The following EHBP1L1 variants were observed in gnomAD, a reference collection of about 807,000 sequenced individuals.
EHBP1L1 encodes the protein EH domain-binding protein 1-like protein 1.
Under a neutral mutation model 151.1 loss-of-function variants are expected in EHBP1L1, and 122 were observed. The observed-to-expected ratio is 0.81, with a 90% CI of 0.70 to 0.94. The LOEUF (loss-of-function observed/expected upper bound fraction) is 0.94, where lower values mean the gene tolerates loss of function less well. Ranked by LOEUF, EHBP1L1 falls within the 40% of genes least tolerant of loss-of-function variation. The probability of loss-of-function intolerance (pLI) is 0.00; values close to 1 mark genes in which losing one functional copy is unlikely to be tolerated. For synonymous variants in EHBP1L1, 878 were observed against 810.1 expected, an observed-to-expected ratio of 1.08 and a Z score of -1.42; for missense variants, 1,941 against 1,959.8, an observed-to-expected ratio of 0.99 and a Z score of 0.18.
chr11:65,582,074 G>A lies in EHBP1L1; in HGVS notation c.1402G>A (p.Val468Ile), dbSNP rs753417724. The change falls in exon 9 of 19, where the codon GTC becomes ATC. Residue 468 changes from valine to isoleucine, a missense_variant. Transcript: ENST00000309295. The stretch of plus-strand genomic sequence containing the variant: ...AAGGGGCTCTCAGGGGAGGCTGGGA[G>A]TCAGGACCAGGGATGAGGCTCCCTC... ...PPRGSQGRLG[V>I]RTRDEAPSGL... 4 of 1,612,004 alleles carry A rather than the reference G, an allele frequency of 2.5e-6. No individual in the cohort carries two copies. Among genetic ancestry groups the A allele is most frequent in the East Asian group, 2.2e-5 (1 of 44,878 alleles).
In EHBP1L1 at chr11:65,583,756, G is replaced by A. The variant is rs777616668; in HGVS notation, c.3084G>A (p.Pro1028=). ...PEKAEEDRRL[P]GSQAPPALVS... is the part of the protein sequence containing the mutation. ...AGGCTGAAGAGGACAGGAGGCTGCC[G>A]GGCAGCCAGGTAGGGATGGGGGCCG... Residue 1028 remains proline, a synonymous_variant, in exon 9 of 19, where the codon CCG becomes CCA. Coordinates refer to ENST00000309295, the MANE Select transcript of EHBP1L1 (RefSeq NM_001099409.3). The A allele has an allele frequency of 1.4e-5, 21 of 1,489,398 alleles. No individual in the cohort carries two copies. The East Asian group carries it at 2.5e-4, about 17-fold the overall frequency. 92.3% of individuals were successfully genotyped at this position (1,489,398 alleles called of 1,614,324 possible). A position where few individuals can be genotyped will look rare whatever the true frequency, so the allele number is the denominator to read the frequency against.
intron 11 of EHBP1L1, 193 bp downstream of exon 11, chr11:65,584,727 C>T (rs981245226): frequency 3.9e-6 from 4 of 1,024,862 alleles, no homozygotes; most frequent in South Asian, 1.6e-5. Flanking sequence ...TTTTTCCTCC[C>T]TTAGATGGTT....
In EHBP1L1 at chr11:65,585,605, T is replaced by A; in HGVS notation, c.3933+14T>A. On this transcript the variant is annotated intron_variant, in intron 12 of 18. Transcript: ENST00000309295. This position sits in a 1 kb window ranked among gnomAD's most constrained non-coding sequence, Gnocchi z 4.0. ...GCTGCGGCTGCAGTGAGTGTCAAGG[T>A]CCTTCTTTCTTCCCCCGCCGCAGCG... The A allele has an allele frequency of 6.4e-7, 1 of 1,560,716 alleles. No homozygotes were observed. Among genetic ancestry groups the A allele is most frequent in the South Asian group, 1.2e-5 (1 of 86,446 alleles).
intron 12 of EHBP1L1, among the ~76,000 whole-genome samples, chr11:65,589,255 A>G (rs113022293): frequency 0.012 from 1,825 of 152,246 alleles, 51 homozygotes; most frequent in African/African-American, 0.041. Flanking sequence ...AAATACAAAA[A>G]TTAGCTGGGC....
At position 65,579,362 on chromosome 11, in the gene EHBP1L1, A is replaced by T; in HGVS notation, c.184A>T (p.Ile62Phe). The change falls in exon 3 of 19, where the codon ATC (isoleucine) becomes TTC (phenylalanine). Residue 62 changes from isoleucine to phenylalanine, a missense_variant. Ile to Phe is a conservative substitution (Grantham distance 21). Coordinates refer to ENST00000309295, the MANE Select transcript of EHBP1L1 (RefSeq NM_001099409.3). ...GTAGGCCCACAGCTGGCAGCCGGGC[A>T]TCCAGAACCCATACCGGGGCACCGT... is the stretch of plus-strand genomic sequence containing the variant. The part of the protein sequence containing the change: ...CSKAHSWQPG[I>F]QNPYRGTVVW... 1 of 1,572,424 alleles carries T rather than the reference A, an allele frequency of 6.4e-7. No individual in the cohort carries two copies. The highest frequency in any genetic ancestry group is 8.6e-7 in the Non-Finnish European group (1 of 1,158,336).
At position 65,591,827 on chromosome 11, in the gene EHBP1L1, G is replaced by T; in HGVS notation, c.4311G>T (p.Arg1437Ser). 1.9e-6 allele frequency: 3 copies of T among 1,546,330 alleles called. No homozygotes were observed. Among genetic ancestry groups the T allele is most frequent in the Non-Finnish European group, 2.6e-6 (3 of 1,145,276 alleles). ...TGGAGGAGCAGGACTTGGAGCGAAG[G>T]TTCGAGCTGCTGAGCCGCGAGCTGC... ...LLMEEQDLER[R>S]FELLSRELRA... Residue 1437 changes from arginine to serine, a missense_variant, in exon 17 of 19, where the codon AGG becomes AGT. By Grantham distance (110) the Arg-to-Ser change is moderately radical (BLOSUM62 -1). Transcript: ENST00000309295.
intron 12 of EHBP1L1, 47 bp from the exon 13 acceptor site, chr11:65,589,700 CCAGG>C (rs1272519004): frequency 6.7e-7 from 1 of 1,485,082 alleles, no homozygotes; most frequent in Non-Finnish European, 8.9e-7. Flanking sequence ...GGCCCCAGGC[CCAGG>C]CTGGTGGGAA....
intron 12 of EHBP1L1, among the ~76,000 whole-genome samples, chr11:65,588,180 G>A (rs1002276975): frequency 1.3e-5 from 2 of 152,056 alleles, no homozygotes; most frequent in Admixed American, 6.6e-5. Context: ...TGGGGGCCCC[G>A]GCAGGGGGGT....
At chr11:65,577,775 T>G (rs1256136172) in intron 1 of EHBP1L1, among the ~76,000 whole-genome samples, 1 of 152,224 alleles carries the variant, frequency 6.6e-6, no homozygotes, top group East Asian at 1.9e-4. Context: ...AACTTGGCTC[T>G]GGGTTGGAGG....
chr11:65,585,185 G>A lies in EHBP1L1; in HGVS notation c.3527G>A (p.Gly1176Glu). The change falls in exon 12 of 19, where the codon GGA becomes GAA. Residue 1176 changes from glycine (G) to glutamate (E), a missense_variant. Coordinates refer to ENST00000309295, the MANE Select transcript of EHBP1L1 (RefSeq NM_001099409.3). The surrounding 1 kb of genome is among the most constrained non-coding windows in gnomAD (Gnocchi z 4.0). ...QPSPPDDLDA[G>E]GLAQRLRGHG... ...AGCCCGCCCGACGACCTGGACGCCGGAGGCCTGGCGCAGCGGCTGCGCGGT... is the reference window on the plus strand; with the variant it reads ...AGCCCGCCCGACGACCTGGACGCCGAAGGCCTGGCGCAGCGGCTGCGCGGT... 7.9e-7 allele frequency: 1 copy of A among 1,271,996 alleles called. No homozygotes were observed. Among genetic ancestry groups the A allele is most frequent in the South Asian group, 2.0e-5 (1 of 50,516 alleles). 78.8% of individuals were successfully genotyped at this position (1,271,996 alleles called of 1,614,324 possible).
chr11:65,590,423 C>G, intron 15 of EHBP1L1, 70 bp from the exon 16 acceptor site: 2 of 1,568,314 alleles, frequency 1.3e-6, no homozygotes, highest in South Asian at 1.1e-5. Flanking sequence ...ACCCCCTCCC[C>G]CAACCCCCAG....
At chr11:65,577,270 G>A (rs1000012937) in intron 1 of EHBP1L1, among the ~76,000 whole-genome samples, 7 of 152,216 alleles carry the variant, frequency 4.6e-5, no homozygotes, top group African/African-American at 1.7e-4. Flanking sequence ...GCTCCCCAGG[G>A]GAAGGGCTGG....
intron 12 of EHBP1L1, among the ~76,000 whole-genome samples, chr11:65,586,825 G>A (rs887442951): frequency 2.0e-5 from 3 of 152,242 alleles, no homozygotes; most frequent in African/African-American, 7.2e-5. Context: ...TGTGTCAGTG[G>A]CTCTTTAAAT....
chr11:65,589,056 G>A (rs559814506), intron 12 of EHBP1L1, among the ~76,000 whole-genome samples: 3 of 152,302 alleles, frequency 2.0e-5, no homozygotes, highest in South Asian at 2.1e-4. Context: ...TGGCCATGAC[G>A]GAGAAGCCAG....
chr11:65,576,437 C>A, intron 1 of EHBP1L1, 31 bp downstream of exon 1: 1 of 1,539,674 alleles, frequency 6.5e-7, no homozygotes, highest in African/African-American at 1.4e-5. Context: ...GGGGCTCCCC[C>A]GAACTTGCTG....
At chr11:65,584,911 T>C (rs973436063) in intron 11 of EHBP1L1, 48 bp from the exon 12 acceptor site, 83 of 1,524,914 alleles carry the variant, frequency 5.4e-5, no homozygotes, top group Admixed American at 2.7e-4. Context: ...CGTTGCCGGG[T>C]GGCGCGGGCC....
chr11:65,586,944 G>A (rs1336156893), intron 12 of EHBP1L1, among the ~76,000 whole-genome samples: 3 of 152,216 alleles, frequency 2.0e-5, no homozygotes, highest in African/African-American at 7.2e-5. Flanking sequence ...CATAGGGCTG[G>A]AGGGGACTCC....
rs141034791 is a variant in EHBP1L1, at chr11:65,586,316, G to C, written c.3933+725G>C. 5.3e-4 allele frequency among the ~76,000 whole-genome samples: 80 copies of C among 152,332 alleles called. 1 individual carries two copies. Among genetic ancestry groups the C allele is most frequent in the Non-Finnish European group, 8.8e-4 (60 of 68,014 alleles). On this transcript the variant is annotated intron_variant, in intron 12 of 18. Coordinates refer to ENST00000309295, the MANE Select transcript of EHBP1L1 (RefSeq NM_001099409.3). ...ATTTGCTCAGTGACCCACAGCTGCT[G>C]GAGTCCAGGACACGGGCTTTCCAGC...
chr11:65,589,938 G>T lies in EHBP1L1; in HGVS notation c.4006G>T (p.Gly1336Trp). ...CTTATCATCATCTCTGTCTGCAGGTGGGAGTTCCCCCTCGGAGGAACCACC... is the reference window on the plus strand; with the variant it reads ...CTTATCATCATCTCTGTCTGCAGGTTGGAGTTCCCCCTCGGAGGAACCACC... ...TAADSQQPPGGSSPSEEPPPS... is the reference protein window; with the variant it reads ...TAADSQQPPGWSSPSEEPPPS... Residue 1336 changes from glycine (G) to tryptophan (W), a missense_variant and splice_region_variant, in exon 14 of 19, where the codon GGG (glycine) becomes TGG (tryptophan). Transcript: ENST00000309295. 6.4e-7 allele frequency: 1 copy of T among 1,563,602 alleles called. No homozygotes were observed.
Sources: allele counts gnomAD v4.1 joint callset (sites outside exome capture counted in the v4.1 genomes callset), GRCh38; gene constraint gnomAD v4.1.1; non-coding constraint Gnocchi (gnomAD v3.1); transcripts MANE v1.5; gene names NCBI Gene and HGNC (gene_info 2026-07-23, HGNC 2026-07-21).